EML1: variants seen among roughly 807,000 people sequenced by gnomAD.
EML1 encodes the protein echinoderm microtubule-associated protein-like 1.
EML1 carries 27 observed loss-of-function variants against 110.4 expected under a neutral mutation model. That is an observed-to-expected ratio of 0.24 (90% confidence interval 0.18 to 0.34). The LOEUF is 0.34. EML1 is among the 10% of genes least tolerant of loss of function. EML1 has a pLI of 1.00. For missense variants in EML1, 741 were observed against 1,030.9 expected (o/e 0.72, Z 3.85); for synonymous variants, 344 against 385.8 (o/e 0.89, Z 1.27).
At chr14:99,863,920 A>G (rs1202101267) in intron 2 of EML1, among the ~76,000 whole-genome samples, 1 of 152,276 alleles carries the variant, frequency 6.6e-6, no homozygotes, top group Non-Finnish European at 1.5e-5. Context: ...ACTGTCTTCC[A>G]CAGTGGCTGT....
At chr14:99,924,356 T>G (rs1024584192) in intron 17 of EML1, among the ~76,000 whole-genome samples, 7 of 152,306 alleles carry the variant, frequency 4.6e-5, no homozygotes, top group African/African-American at 1.2e-4. Context: ...AGGGGCTACC[T>G]TCCAAGACCC....
At chr14:99,901,145 A>C in intron 9 of EML1, 106 bp downstream of exon 9, 10 of 950,392 alleles carry the variant, frequency 1.1e-5, no homozygotes, top group Non-Finnish European at 1.7e-5. Context: ...GCCTGGGTGT[A>C]TGTACAGATT....
intron 4 of EML1, 140 bp downstream of exon 4, chr14:99,878,759 A>G (rs2059336971): frequency 1.6e-6 from 2 of 1,277,860 alleles, no homozygotes; most frequent in Non-Finnish European, 2.1e-6. Context: ...TCAGGTATTT[A>G]TAGGACTAAT....
intron 1 of EML1, among the ~76,000 whole-genome samples, chr14:99,756,720 C>T (rs1319089977): frequency 6.6e-6 from 1 of 152,174 alleles, no homozygotes; most frequent in Non-Finnish European, 1.5e-5. Context: ...CGAGCCCCCA[C>T]ACCTGTGGAA....
chr14:99,740,362 C>G (rs1004260839), intron 1 of EML1, among the ~76,000 whole-genome samples: 5 of 152,182 alleles, frequency 3.3e-5, no homozygotes, highest in African/African-American at 1.2e-4. Flanking sequence ...CCAAGGAGGG[C>G]GAGGCTGGCT....
intron 17 of EML1, among the ~76,000 whole-genome samples, chr14:99,934,789 G>A (rs763784293): frequency 1.3e-5 from 2 of 152,188 alleles, no homozygotes; most frequent in Non-Finnish European, 2.9e-5. Flanking sequence ...CCTCCTGGCC[G>A]TGTTTCCTGT....
chr14:99,807,077 G>C (rs1346549263), intron 1 of EML1, among the ~76,000 whole-genome samples: 1 of 152,138 alleles, frequency 6.6e-6, no homozygotes, highest in Non-Finnish European at 1.5e-5. Context: ...GTGAACGCCT[G>C]ATTGGAGCAT....
chr14:99,911,393 G>A, intron 12 of EML1, 29 bp from the exon 13 acceptor site: 1 of 1,562,252 alleles, frequency 6.4e-7, no homozygotes, highest in Non-Finnish European at 8.6e-7. Flanking sequence ...TTGACAATGT[G>A]CTAATGATGG....
intron 13 of EML1, among the ~76,000 whole-genome samples, chr14:99,912,499 T>C (rs192158480): frequency 4.1e-4 from 63 of 152,304 alleles, no homozygotes; most frequent in African/African-American, 1.5e-3. Context: ...CATCCCTAGC[T>C]TAGAATGGAC....
chr14:99,934,698 T>A (rs185682870), intron 17 of EML1, among the ~76,000 whole-genome samples: 1 of 152,336 alleles, frequency 6.6e-6, no homozygotes, highest in East Asian at 1.9e-4. Flanking sequence ...TGCATTCTAT[T>A]CTGGGCCCTG....
intron 1 of EML1, among the ~76,000 whole-genome samples, chr14:99,820,648 C>T (rs1784551627): frequency 6.6e-6 from 1 of 152,134 alleles, no homozygotes; most frequent in Non-Finnish European, 1.5e-5. Flanking sequence ...AATTCCTAAC[C>T]ACAGCTTGTA....
chr14:99,803,839 C>G (rs1021842614), intron 1 of EML1, among the ~76,000 whole-genome samples: 2 of 152,242 alleles, frequency 1.3e-5, no homozygotes, highest in African/African-American at 2.4e-5. Flanking sequence ...AATTAGGACT[C>G]TCTTATACTG....
intron 2 of EML1, among the ~76,000 whole-genome samples, chr14:99,864,093 G>C (rs1162013416): frequency 2.6e-5 from 4 of 152,242 alleles, no homozygotes; most frequent in African/African-American, 9.6e-5. Context: ...GACAAATGAC[G>C]TTGAGCATCT....
In EML1 at chr14:99,940,239, C is replaced by T. The variant is rs1420220226; in HGVS notation, c.*127C>T. ...ACCTCAGGAAAACTGTGCCCTCCGC[C>T]GGCTACCTTAGCTTAGCGTGTCAGC... On this transcript the variant is annotated 3_prime_UTR_variant, in exon 22 of 22. Coordinates refer to ENST00000262233, the MANE Select transcript of EML1 (RefSeq NM_004434.3). 3.1e-6 allele frequency: 4 copies of T among 1,297,334 alleles called. No individual in the cohort carries two copies. Among genetic ancestry groups the T allele is most frequent in the Admixed American group, 3.7e-5 (1 of 26,768 alleles). 80.4% of individuals were successfully genotyped at this position (1,297,334 alleles called of 1,614,324 possible).
At chr14:99,802,242 G>A (rs141812232) in intron 1 of EML1, among the ~76,000 whole-genome samples, 4 of 152,280 alleles carry the variant, frequency 2.6e-5, no homozygotes, top group South Asian at 4.1e-4. Flanking sequence ...AAGGAGTAGC[G>A]TGGCTTGCAG....
chr14:99,844,367 T>C (rs2058676007), intron 1 of EML1, among the ~76,000 whole-genome samples: 1 of 151,780 alleles, frequency 6.6e-6, no homozygotes, highest in Non-Finnish European at 1.5e-5. Flanking sequence ...TAGTCCCAGC[T>C]ACTGGGGAGG....
At chr14:99,749,188 C>A (rs2057147814) in intron 1 of EML1, among the ~76,000 whole-genome samples, 1 of 152,162 alleles carries the variant, frequency 6.6e-6, no homozygotes, top group African/African-American at 2.4e-5. Context: ...GAAGCGGGAT[C>A]GCCGGATCAT....
chr14:99,741,629 C>T (rs1595224258), intron 1 of EML1, among the ~76,000 whole-genome samples: 1 of 12,518 alleles, frequency 8.0e-5, no homozygotes, highest in Non-Finnish European at 8.2e-4. Context: ...TTTGCGCCCA[C>T]CCCCCCCCAG....
intron 1 of EML1, among the ~76,000 whole-genome samples, chr14:99,738,455 A>G (rs1595220240): frequency 6.6e-6 from 1 of 152,170 alleles, no homozygotes; most frequent in Non-Finnish European, 1.5e-5. Flanking sequence ...TGTGGTGGGG[A>G]CTGGCCACCT....
Sources: gnomAD v4.1 joint callset for allele counts (sites outside exome capture counted in the v4.1 genomes callset) on GRCh38, gnomAD v4.1.1 for gene constraint, MANE v1.5 for transcripts, NCBI Gene and HGNC (gene_info 2026-07-23, HGNC 2026-07-21) for gene names.